DOCK10: variants seen among roughly 807,000 people sequenced by gnomAD.
The protein encoded by DOCK10 is dedicator of cytokinesis protein 10.
A neutral mutation model predicts 280.1 loss-of-function variants in DOCK10; 145 were observed. The ratio of observed to expected loss-of-function variants is 0.52; its 90% confidence interval spans 0.45 to 0.59. The LOEUF is 0.59. DOCK10 is among the 20% of genes least tolerant of loss of function. The pLI is 0.00. For missense variants in DOCK10, 2,368 were observed against 2,651.7 expected, an observed-to-expected ratio of 0.89 and a Z score of 2.35; for synonymous variants, 915 against 942.2, an observed-to-expected ratio of 0.97 and a Z score of 0.53.
chr2:224,955,124 C>T (rs146836215), intron 1 of DOCK10, among the ~76,000 whole-genome samples: 1 of 152,290 alleles, frequency 6.6e-6, no homozygotes, highest in African/African-American at 2.4e-5. Context: ...AAAACAAGCA[C>T]CTAAAATTGC....
At chr2:224,947,077 A>C in intron 1 of DOCK10, 2 of 1,379,044 alleles carry the variant, frequency 1.5e-6, no homozygotes, top group Non-Finnish European at 1.9e-6. Context: ...CTCATGCTAC[A>C]TGAATGTAAC....
At chr2:224,972,488 C>G (rs1036690320) in intron 1 of DOCK10, among the ~76,000 whole-genome samples, 1 of 152,216 alleles carries the variant, frequency 6.6e-6, no homozygotes, top group South Asian at 2.1e-4. Context: ...AATCAAGATG[C>G]TGTAATTTTG....
intron 4 of DOCK10, among the ~76,000 whole-genome samples, chr2:224,894,425 A>G (rs1231584486): frequency 2.0e-5 from 3 of 152,204 alleles, no homozygotes; most frequent in Non-Finnish European, 4.4e-5. Flanking sequence ...AGGATGGCTA[A>G]ATACGGCTGT....
At chr2:225,036,690 C>T (rs1249886893) in intron 1 of DOCK10, among the ~76,000 whole-genome samples, 1 of 152,138 alleles carries the variant, frequency 6.6e-6, no homozygotes, top group African/African-American at 2.4e-5. Flanking sequence ...AATATCTTGT[C>T]TCTTAAGTTT....
chr2:224,841,484 T>G (rs1476772119), intron 23 of DOCK10, among the ~76,000 whole-genome samples: 3 of 152,206 alleles, frequency 2.0e-5, no homozygotes, highest in Non-Finnish European at 4.4e-5. Flanking sequence ...GCTTTATTCT[T>G]TATTGCAATT....
rs534318769 is a variant in DOCK10, at chr2:224,844,838, T to C, written c.2483A>G (p.His828Arg). Residue 828 changes from histidine (H) to arginine (R), a missense_variant and splice_region_variant, in exon 22 of 56, where the codon CAT (histidine) becomes CGT (arginine). This residue lies in a region of DOCK10 where 1,209 missense variants were observed against 1,250.9 expected (regional missense o/e 0.97). Coordinates refer to ENST00000258390, the MANE Select transcript of DOCK10 (RefSeq NM_014689.3). ...LSFQDSASGKHGGSDIKWVDG... is the reference protein window; with the variant it reads ...LSFQDSASGKRGGSDIKWVDG... Reference sequence around the variant, plus strand: ...AACCCATTTAATGTCACTCCCACCATGCTGCAAAATAAAGTTTGTTTACTG... The same window carrying C: ...AACCCATTTAATGTCACTCCCACCACGCTGCAAAATAAAGTTTGTTTACTG... The C allele has an allele frequency of 1.1e-5, 18 of 1,603,832 alleles. No individual in the cohort carries two copies. The East Asian group carries it at 1.3e-4, about 12-fold the overall frequency.
intron 3 of DOCK10, among the ~76,000 whole-genome samples, chr2:224,906,524 G>A (rs1263780485): frequency 5.3e-5 from 8 of 151,668 alleles, no homozygotes; most frequent in Non-Finnish European, 1.2e-4. Context: ...AGTGCAGTGT[G>A]CTGGAGTGCA....
In DOCK10 at chr2:224,787,263, T is replaced by C. The variant is rs1489936829; in HGVS notation, c.5541+12A>G. On this transcript the variant is annotated intron_variant, in intron 49 of 55. Coordinates refer to ENST00000258390, the MANE Select transcript of DOCK10 (RefSeq NM_014689.3). ...ATATTTTAATTAACTTCTAGGGGGT[T>C]GGAATACATACTTTGAAGTCTCGTT... is the stretch of plus-strand genomic sequence containing the variant. The C allele has an allele frequency of 6.2e-7, 1 of 1,613,810 alleles. No individual in the cohort carries two copies. Among genetic ancestry groups the C allele is most frequent in the Non-Finnish European group, 8.5e-7 (1 of 1,179,852 alleles).
At chr2:224,831,782 G>A (rs1695256095) in intron 26 of DOCK10, among the ~76,000 whole-genome samples, 1 of 152,174 alleles carries the variant, frequency 6.6e-6, no homozygotes, top group Non-Finnish European at 1.5e-5. Context: ...ATGGGGTCTA[G>A]GGTTGCACTC....
At chr2:224,802,177 T>A in intron 39 of DOCK10, 137 bp from the exon 40 acceptor site, 1 of 885,068 alleles carries the variant, frequency 1.1e-6, no homozygotes, top group Non-Finnish European at 1.7e-6. Flanking sequence ...TTACAAATAT[T>A]AATTATAGGT....
intron 7 of DOCK10, among the ~76,000 whole-genome samples, chr2:224,879,922 A>C (rs1698878850): frequency 6.6e-6 from 1 of 152,284 alleles, no homozygotes; most frequent in East Asian, 1.9e-4. Context: ...AAATGAAAGA[A>C]TTTGAGTGAT....
rs748127164 is a variant in DOCK10 at position 224,896,388 on chromosome 2, G to T, written c.334-11C>A. 3.3e-6 allele frequency: 5 copies of T among 1,509,212 alleles called. No homozygotes were observed. The highest frequency in any genetic ancestry group is 3.4e-4 in the Middle Eastern group (2 of 5,802). 93.5% of individuals were successfully genotyped at this position (1,509,212 alleles called of 1,614,324 possible). On this transcript the variant is annotated splice_polypyrimidine_tract_variant and intron_variant, in intron 3 of 55. Coordinates refer to ENST00000258390, the MANE Select transcript of DOCK10 (RefSeq NM_014689.3). ...ATAAAATTTACAAGCCTGAAAGAAA[G>T]AAAAATGACAATTATTAATATAAAA...
chr2:224,998,398 C>T (rs2126280487), intron 1 of DOCK10, among the ~76,000 whole-genome samples: 1 of 152,174 alleles, frequency 6.6e-6, no homozygotes, highest in African/African-American at 2.4e-5. Context: ...TATTTGTATT[C>T]TTCTTGCTCT....
chr2:224,949,886 A>G (rs1261579814), intron 1 of DOCK10, among the ~76,000 whole-genome samples: 1 of 152,264 alleles, frequency 6.6e-6, no homozygotes, highest in Non-Finnish European at 1.5e-5. Context: ...ATTAGTTACA[A>G]CAAAGGCAAA....
intron 2 of DOCK10, among the ~76,000 whole-genome samples, chr2:224,923,118 T>G (rs1280564023): frequency 6.6e-6 from 1 of 152,260 alleles, no homozygotes; most frequent in African/African-American, 2.4e-5. Flanking sequence ...AATATTACTT[T>G]AGTACCTGAC....
chr2:224,870,741 C>T (rs1260099380), intron 11 of DOCK10, among the ~76,000 whole-genome samples: 5 of 151,358 alleles, frequency 3.3e-5, no homozygotes, highest in African/African-American at 9.7e-5. Flanking sequence ...TTTTAGATCC[C>T]GCCCCTCTCC....
At chr2:224,768,474 G>A (rs1271600794) in intron 55 of DOCK10, among the ~76,000 whole-genome samples, 1 of 152,126 alleles carries the variant, frequency 6.6e-6, no homozygotes, top group Non-Finnish European at 1.5e-5. Context: ...GTTTCCATGA[G>A]GCATAGAGTC....
At chr2:225,011,860 G>A (rs1689448223) in intron 1 of DOCK10, among the ~76,000 whole-genome samples, 1 of 152,134 alleles carries the variant, frequency 6.6e-6, no homozygotes. Flanking sequence ...GAGTCAAAAC[G>A]ACCTGAGCTG....
chr2:224,872,437 G>A (rs1698352107), intron 11 of DOCK10, among the ~76,000 whole-genome samples: 1 of 152,180 alleles, frequency 6.6e-6, no homozygotes, highest in South Asian at 2.1e-4. Flanking sequence ...GTGAGTTGGA[G>A]AGCCAGGCAA....
Sources: gnomAD v4.1 joint callset for allele counts (sites outside exome capture counted in the v4.1 genomes callset) on GRCh38, gnomAD v4.1.1 for gene constraint, gnomAD v4.1.1 regional missense constraint, MANE v1.5 for transcripts, NCBI Gene and HGNC (gene_info 2026-07-23, HGNC 2026-07-21) for gene names.